Variants in MDFIC2 observed in about 807,000 individuals in gnomAD.
MDFIC2 encodes the protein myoD family inhibitor domain-containing protein 2.
intron 2 of MDFIC2, among the ~76,000 whole-genome samples, chr3:70,288,665 A>T (rs1674032057): frequency 1.3e-5 from 2 of 151,788 alleles, no homozygotes; most frequent in African/African-American, 4.8e-5. Flanking sequence ...GGGGTGTTAA[A>T]GTCTCCCATT....
chr3:70,250,164 A>G (rs1701747493), intron 2 of MDFIC2, among the ~76,000 whole-genome samples: 1 of 152,166 alleles, frequency 6.6e-6, no homozygotes, highest in Non-Finnish European at 1.5e-5. Flanking sequence ...TTCAATAAAT[A>G]TTGTGAAGGA....
At chr3:70,216,462 C>T (rs1017543716) in intron 2 of MDFIC2, among the ~76,000 whole-genome samples, 3 of 151,928 alleles carry the variant, frequency 2.0e-5, no homozygotes, top group African/African-American at 7.3e-5. Flanking sequence ...CACATGAGGA[C>T]ACAGAAAACG....
At chr3:70,275,226 A>G (rs1702012041) in intron 2 of MDFIC2, among the ~76,000 whole-genome samples, 1 of 152,212 alleles carries the variant, frequency 6.6e-6, no homozygotes, top group African/African-American at 2.4e-5. Flanking sequence ...ATGATGATTA[A>G]GAATACAGGA....
intron 2 of MDFIC2, among the ~76,000 whole-genome samples, chr3:70,280,962 C>T (rs908291922): frequency 5.9e-5 from 9 of 152,088 alleles, no homozygotes; most frequent in Non-Finnish European, 1.0e-4. Flanking sequence ...TTTGTGTGAT[C>T]GTATTTCTAC....
chr3:70,285,832 G>GT (rs769282206), intron 2 of MDFIC2, among the ~76,000 whole-genome samples: 36 of 152,100 alleles, frequency 2.4e-4, no homozygotes, highest in Non-Finnish European at 4.4e-4. Context: ...TTAATCATGT[G>GT]TTTTTTGGCT....
intron 2 of MDFIC2, among the ~76,000 whole-genome samples, chr3:70,210,104 G>T (rs1403250472): frequency 6.6e-6 from 1 of 152,064 alleles, no homozygotes; most frequent in Non-Finnish European, 1.5e-5. Flanking sequence ...AAAAAAAGTT[G>T]GATAGAGGTT....
At chr3:70,271,904 CA>C (rs1307799224) in intron 2 of MDFIC2, 11 of 152,370 alleles carry the variant, frequency 7.2e-5, no homozygotes, top group African/African-American at 2.4e-4. Context: ...GCTAGGCTTA[CA>C]GGCACCTGCC....
At chr3:70,243,860 G>A (rs1280807750) in intron 2 of MDFIC2, among the ~76,000 whole-genome samples, 1 of 152,178 alleles carries the variant, frequency 6.6e-6, no homozygotes, top group Non-Finnish European at 1.5e-5. Context: ...ATATGTGGAG[G>A]AATTGTATCA....
At chr3:70,266,927 T>C (rs1228275438) in intron 2 of MDFIC2, among the ~76,000 whole-genome samples, 1 of 152,160 alleles carries the variant, frequency 6.6e-6, no homozygotes, top group Non-Finnish European at 1.5e-5. Context: ...GGCAATGGGA[T>C]TAGATTATTG....
At chr3:70,296,857 C>T (rs1313107608) in intron 2 of MDFIC2, among the ~76,000 whole-genome samples, 1 of 151,966 alleles carries the variant, frequency 6.6e-6, no homozygotes, top group African/African-American at 2.4e-5. Flanking sequence ...TAATAATGGC[C>T]TCTCTGTGCT....
chr3:70,253,716 C>T (rs1701790086), intron 2 of MDFIC2, among the ~76,000 whole-genome samples: 3 of 151,882 alleles, frequency 2.0e-5, no homozygotes, highest in African/African-American at 4.8e-5. Flanking sequence ...GTGCAAAACC[C>T]CAACTCTAAA....
intron 2 of MDFIC2, among the ~76,000 whole-genome samples, chr3:70,223,384 T>G (rs1305169282): frequency 6.6e-6 from 1 of 152,098 alleles, no homozygotes; most frequent in African/African-American, 2.4e-5. Context: ...CTGAGATGAG[T>G]GCAGAGCACT....
At chr3:70,258,616 A>G (rs12497885) in intron 2 of MDFIC2, among the ~76,000 whole-genome samples, 12,644 of 152,184 alleles carry the variant, frequency 0.083, 838 homozygotes, top group East Asian at 0.36. Context: ...TAAAATATTC[A>G]TATGCTCTGA....
intron 2 of MDFIC2, among the ~76,000 whole-genome samples, chr3:70,309,783 G>GT (rs1187173074): frequency 6.6e-6 from 1 of 152,158 alleles, no homozygotes; most frequent in African/African-American, 2.4e-5. Flanking sequence ...ATGAAATATA[G>GT]TAAACATAAT....
chr3:70,303,242 G>A (rs920507200), intron 2 of MDFIC2, among the ~76,000 whole-genome samples: 4 of 151,956 alleles, frequency 2.6e-5, no homozygotes, highest in South Asian at 4.2e-4. Context: ...TCTGATGCTC[G>A]AACCCTGAAT....
intron 2 of MDFIC2, among the ~76,000 whole-genome samples, chr3:70,311,137 A>G (rs752452252): frequency 1.8e-4 from 27 of 152,218 alleles, no homozygotes; most frequent in Non-Finnish European, 3.8e-4. Flanking sequence ...AGCAATTTTT[A>G]AGAATGTCAA....
chr3:70,202,269 T>C (rs539848737), intron 3 of MDFIC2, among the ~76,000 whole-genome samples: 107 of 152,236 alleles, frequency 7.0e-4, no homozygotes, highest in Admixed American at 3.7e-3. Context: ...GGTCAGTGAC[T>C]AGTGGTCTTT....
chr3:70,307,834 T>A (rs1702416896), intron 2 of MDFIC2, among the ~76,000 whole-genome samples: 1 of 152,134 alleles, frequency 6.6e-6, no homozygotes, highest in East Asian at 1.9e-4. Flanking sequence ...CTCAATCGGT[T>A]TTCTCACTTC....
intron 2 of MDFIC2, among the ~76,000 whole-genome samples, chr3:70,280,664 A>G (rs549944638): frequency 9.8e-4 from 149 of 152,248 alleles, no homozygotes; most frequent in African/African-American, 3.5e-3. Flanking sequence ...GAGGCTGGCC[A>G]TAGAAACTAG....
Sources: gnomAD v4.1 joint callset for allele counts (sites outside exome capture counted in the v4.1 genomes callset) on GRCh38, gnomAD v4.1.1 for gene constraint, MANE v1.5 for transcripts, NCBI Gene and HGNC (gene_info 2026-07-23, HGNC 2026-07-21) for gene names.